VAMP4: variants seen among roughly 807,000 people sequenced by gnomAD.
The protein encoded by VAMP4 is vesicle associated membrane protein 4, also known as vesicle-associated membrane protein 4.
A neutral mutation model predicts 23.5 loss-of-function variants in VAMP4; 19 were observed. The ratio of observed to expected loss-of-function variants is 0.81; its 90% CI spans 0.56 to 1.19. VAMP4 has a LOEUF of 1.19. Among genes scored for constraint, VAMP4 ranks in the 50% most tolerant of loss-of-function variants. The pLI is 0.00. For synonymous variants in VAMP4, 31 were observed against 51.0 expected (o/e 0.61, Z 1.67); for missense variants, 145 against 168.6 (o/e 0.86, Z 0.78).
At chr1:171,706,972 G>A (rs1654677313) in intron 6 of VAMP4, among the ~76,000 whole-genome samples, 3 of 152,136 alleles carry the variant, frequency 2.0e-5, no homozygotes. Flanking sequence ...TGTTAAACGT[G>A]TGTTTGGCTT....
intron 4 of VAMP4, among the ~76,000 whole-genome samples, chr1:171,716,232 T>C (rs1416367639): frequency 2.0e-5 from 3 of 152,182 alleles, no homozygotes; most frequent in African/African-American, 7.2e-5. Flanking sequence ...GGAGATTCCC[T>C]ACTCCTAACA....
rs150878953 is a variant in VAMP4, at chr1:171,712,983, T to G, written c.165-2169A>C. Among the ~76,000 whole-genome samples the G allele has an allele frequency of 2.6e-3, 401 of 152,354 alleles. 3 individuals are homozygous for G. Among genetic ancestry groups the G allele is most frequent in the African/African-American group, 8.7e-3 (363 of 41,594 alleles). ...AGCAAATATAAAGTAATAGTAATTG[T>G]ACCTATTTACTTATTTACATGCTTA... On this transcript the variant is annotated intron_variant, in intron 4 of 7. Coordinates refer to ENST00000236192, the MANE Select transcript of VAMP4 (RefSeq NM_003762.5).
At chr1:171,713,929 T>A (rs183349669) in intron 4 of VAMP4, among the ~76,000 whole-genome samples, 4 of 152,326 alleles carry the variant, frequency 2.6e-5, no homozygotes, top group East Asian at 1.9e-4. Flanking sequence ...TAGAGTATCA[T>A]AAACCTACAA....
At chr1:171,715,656 T>G (rs953910129) in intron 4 of VAMP4, among the ~76,000 whole-genome samples, 16 of 152,194 alleles carry the variant, frequency 1.1e-4, no homozygotes, top group African/African-American at 3.6e-4. Context: ...TTGATAAATG[T>G]CAGTGCCCTT....
At chr1:171,729,417 AG>A (rs1173865893) in intron 2 of VAMP4, among the ~76,000 whole-genome samples, 1 of 152,222 alleles carries the variant, frequency 6.6e-6, no homozygotes, top group Non-Finnish European at 1.5e-5. Flanking sequence ...ACATAGCCTA[AG>A]GGTAATTTCA....
At chr1:171,726,967 C>A (rs1270862178) in intron 3 of VAMP4, among the ~76,000 whole-genome samples, 1 of 152,098 alleles carries the variant, frequency 6.6e-6, no homozygotes, top group African/African-American at 2.4e-5. Flanking sequence ...CACAGTGGCT[C>A]ATCCTTGTAA....
chr1:171,723,709 T>G (rs1283901350), intron 3 of VAMP4, among the ~76,000 whole-genome samples: 1 of 152,222 alleles, frequency 6.6e-6, no homozygotes, highest in Non-Finnish European at 1.5e-5. Context: ...CACAGGGTCC[T>G]GAGGCGACAT....
At position 171,728,554 on chromosome 1, in the gene VAMP4, T is replaced by C. The variant is rs781416958; in HGVS notation, c.83A>G (p.Asp28Gly). ...AAAGTCCTCTTCTTCATCTGAATCATCTTCCAAAAGATTTCTCTGTCAAAA... is the reference window on the plus strand; with the variant it reads ...AAAGTCCTCTTCTTCATCTGAATCACCTTCCAAAAGATTTCTCTGTCAAAA... The part of the protein sequence containing the change: ...VKSERRNLLE[D>G]DSDEEEDFFL... Residue 28 changes from aspartate to glycine, a missense_variant, in exon 3 of 8, where the codon GAT becomes GGT. Coordinates refer to ENST00000236192, the MANE Select transcript of VAMP4 (RefSeq NM_003762.5). The C allele has an allele frequency of 7.7e-6, 12 of 1,554,198 alleles. No homozygotes were observed. The Admixed American group carries it at 2.0e-4, about 26-fold the overall frequency.
At chr1:171,712,463 A>C (rs1654879886) in intron 4 of VAMP4, among the ~76,000 whole-genome samples, 1 of 152,186 alleles carries the variant, frequency 6.6e-6, no homozygotes. Context: ...TTCAAGTAGC[A>C]ATTACTAAGC....
chr1:171,741,826 G>A (rs895945614), intron 1 of VAMP4, 84 bp downstream of exon 1: 1 of 152,206 alleles, frequency 6.6e-6, no homozygotes. Flanking sequence ...TAGGACGTCG[G>A]GGGGCGGCAA....
intron 3 of VAMP4, among the ~76,000 whole-genome samples, chr1:171,726,849 T>C (rs942319941): frequency 6.7e-4 from 102 of 152,280 alleles, no homozygotes; most frequent in African/African-American, 2.2e-3. Context: ...CTTCAAAAGA[T>C]ATTATTACAA....
At chr1:171,734,009 A>G (rs980383074) in intron 2 of VAMP4, among the ~76,000 whole-genome samples, 3 of 152,100 alleles carry the variant, frequency 2.0e-5, no homozygotes, top group African/African-American at 4.8e-5. Context: ...AAAGGAATGA[A>G]GATCTCCCAG....
intron 6 of VAMP4, among the ~76,000 whole-genome samples, chr1:171,708,895 AGG>A (rs1327839174): frequency 2.0e-5 from 3 of 150,242 alleles, no homozygotes; most frequent in Non-Finnish European, 3.0e-5. Flanking sequence ...AAAAAAAAAA[AGG>A]AGAGTTATTG....
chr1:171,738,422 A>C lies in VAMP4; in HGVS notation c.-8T>G. 6.2e-7 allele frequency: 1 copy of C among 1,613,978 alleles called. No homozygotes were observed. The highest frequency in any genetic ancestry group is 8.5e-7 in the Non-Finnish European group (1 of 1,179,912). ...CTTAAACTTGGGAGGCATATTTTTT[A>C]CTTGCAAAGTATCTTTTGCTTCTCA... On this transcript the variant is annotated 5_prime_UTR_variant, in exon 2 of 8. Coordinates refer to ENST00000236192, the MANE Select transcript of VAMP4 (RefSeq NM_003762.5).
intron 6 of VAMP4, among the ~76,000 whole-genome samples, chr1:171,706,755 A>G (rs561031567): frequency 6.6e-6 from 1 of 152,328 alleles, no homozygotes; most frequent in South Asian, 2.1e-4. Flanking sequence ...TATGTTATTC[A>G]TCATATCTTG....
At chr1:171,712,571 C>T (rs1654883004) in intron 4 of VAMP4, among the ~76,000 whole-genome samples, 1 of 152,136 alleles carries the variant, frequency 6.6e-6, no homozygotes. Flanking sequence ...TCCCAGAGTT[C>T]TGTGCTTCCC....
chr1:171,710,621 C>T, intron 5 of VAMP4, 93 bp downstream of exon 5: 2 of 970,550 alleles, frequency 2.1e-6, no homozygotes, highest in South Asian at 1.5e-5. Flanking sequence ...TGCCAATTTC[C>T]TAAGCCAAGA....
chr1:171,724,069 A>T (rs952471697), intron 3 of VAMP4, among the ~76,000 whole-genome samples: 1 of 152,152 alleles, frequency 6.6e-6, no homozygotes, highest in Non-Finnish European at 1.5e-5. Context: ...ACTTGGAACC[A>T]ACCCAAATGT....
chr1:171,711,945 G>T (rs1207995500), intron 4 of VAMP4, among the ~76,000 whole-genome samples: 2 of 152,070 alleles, frequency 1.3e-5, no homozygotes, highest in African/African-American at 2.4e-5. Flanking sequence ...TTACCATTGT[G>T]TTATAATTAC....
Sources: allele counts gnomAD v4.1 joint callset (sites outside exome capture counted in the v4.1 genomes callset), GRCh38; gene constraint gnomAD v4.1.1; transcripts MANE v1.5; gene names NCBI Gene and HGNC (gene_info 2026-07-23, HGNC 2026-07-21).